Variants in TULP4 observed in about 807,000 individuals in gnomAD.
TULP4 encodes the protein tubby-related protein 4.
In TULP4, 16 loss-of-function variants were observed where a neutral mutation model predicts 129.0. The ratio of observed to expected loss-of-function variants is 0.12; its 90% CI spans 0.08 to 0.19. The LOEUF (loss-of-function observed/expected upper bound fraction) is 0.19, where lower values mean the gene tolerates loss of function less well. Ranked by LOEUF, TULP4 falls within the 10% of genes least tolerant of loss-of-function variation. The pLI is 1.00. For missense variants in TULP4, 1,842 were observed against 2,059.1 expected, an observed-to-expected ratio of 0.89 and a Z score of 2.04; for synonymous variants, 998 against 854.0, an observed-to-expected ratio of 1.17 and a Z score of -2.94.
At chr6:158,272,706 T>G (rs1050058824) in intron 1 of TULP4, among the ~76,000 whole-genome samples, 2 of 152,160 alleles carry the variant, frequency 1.3e-5, no homozygotes, top group African/African-American at 2.4e-5. Context: ...GACCCAAGAT[T>G]TGAAGTGAGG....
In TULP4 at chr6:158,510,872, G is replaced by A. The variant is rs1053005513; in HGVS notation, c.*4178G>A. The A allele has an allele frequency of 1.3e-5, 2 of 152,242 alleles. No homozygotes were observed. The highest frequency in any genetic ancestry group is 4.8e-5 in the African/African-American group (2 of 41,464). 9.4% of individuals were successfully genotyped at this position (152,242 alleles called of 1,614,324 possible). A position where few individuals can be genotyped will look rare whatever the true frequency, so the allele number is the denominator to read the frequency against. On this transcript the variant is annotated 3_prime_UTR_variant, in exon 14 of 14. Transcript: ENST00000367097. Reference sequence around the variant, plus strand: ...CAAATTGAAAAGGTTTCTTGAAAAGGAAAGTTTGGCCCAGCAACTGGAGAA... The same window carrying A: ...CAAATTGAAAAGGTTTCTTGAAAAGAAAAGTTTGGCCCAGCAACTGGAGAA...
At chr6:158,412,981 A>T in intron 1 of TULP4, 84 bp from the exon 2 acceptor site, 1 of 1,499,142 alleles carries the variant, frequency 6.7e-7, no homozygotes, top group Admixed American at 2.1e-5. Context: ...CATTCTAATT[A>T]GTTCAAGTCT....
At chr6:158,279,836 G>A (rs138498073), upstream of TULP4, among the ~76,000 whole-genome samples, 5 of 152,310 alleles carry the variant, frequency 3.3e-5, no homozygotes, top group African/African-American at 9.6e-5. Context: ...GTGAACACTT[G>A]ATACGTGTTT....
chr6:158,380,486 C>A (rs1300194954), intron 1 of TULP4, among the ~76,000 whole-genome samples: 1 of 152,088 alleles, frequency 6.6e-6, no homozygotes, highest in Admixed American at 6.6e-5. Context: ...AAGGGCAGGG[C>A]AATGTGGTAA....
chr6:158,238,108 A>C, intron 1 of TULP4: 1 of 728,916 alleles, frequency 1.4e-6, no homozygotes, highest in Non-Finnish European at 2.6e-6. Context: ...ACTAATGCAG[A>C]CACCATGCCT....
chr6:158,430,788 T>C (rs1778611478), intron 3 of TULP4, among the ~76,000 whole-genome samples: 1 of 152,164 alleles, frequency 6.6e-6, no homozygotes, highest in Non-Finnish European at 1.5e-5. Context: ...ATTGACTAGT[T>C]AAAATCTTTA....
At chr6:158,490,565 T>C (rs1780176976) in intron 9 of TULP4, among the ~76,000 whole-genome samples, 1 of 152,222 alleles carries the variant, frequency 6.6e-6, no homozygotes, top group South Asian at 2.1e-4. Context: ...GATACACATC[T>C]GTCCAAATCG....
Position 158,243,461 on chromosome 6 carries a change from A to G in TULP4, n.68+11158A>G, listed in dbSNP as rs543260533. On this transcript the variant is annotated intron_variant and non_coding_transcript_variant, in intron 1 of 1. Coordinates refer to the TULP4 transcript ENST00000620026. ...TGTGTTTATATCATATCATATATAT[A>G]TATATGATTGTTTGAATTAAGATGC... Among the ~76,000 whole-genome samples, 21 of 150,390 alleles carry G rather than the reference A, an allele frequency of 1.4e-4. No individual in the cohort carries two copies. In the East Asian group the frequency reaches 4.2e-3, roughly 30 times the overall value.
chr6:158,270,334 C>T (rs1435502304), intron 1 of TULP4, among the ~76,000 whole-genome samples: 1 of 152,232 alleles, frequency 6.6e-6, no homozygotes, highest in East Asian at 1.9e-4. Flanking sequence ...AGGGACCGGT[C>T]ATTCCAGCAA....
intron 1 of TULP4, among the ~76,000 whole-genome samples, chr6:158,389,369 T>C (rs1484784142): frequency 6.6e-6 from 1 of 152,152 alleles, no homozygotes; most frequent in Non-Finnish European, 1.5e-5. Context: ...GTAGGACTGC[T>C]TGAGCCTGGG....
intron 2 of TULP4, among the ~76,000 whole-genome samples, chr6:158,417,510 C>T (rs947211812): frequency 6.6e-6 from 1 of 152,204 alleles, no homozygotes; most frequent in Non-Finnish European, 1.5e-5. Context: ...TTAGAACCCA[C>T]TGAGCAACTG....
chr6:158,448,936 G>A lies in TULP4; in HGVS notation c.544-60G>A, dbSNP rs1779108000. On this transcript the variant is annotated intron_variant, in intron 3 of 13. Coordinates refer to ENST00000367097, the MANE Select transcript of TULP4 (RefSeq NM_020245.5). ...TTCCTAAAACAAATCGAGGCAACAA[G>A]GTGTGCCAGAAACTGGCCCTTGCTG... 3.3e-6 allele frequency: 5 copies of A among 1,520,938 alleles called. No individual in the cohort carries two copies. The South Asian group carries it at 5.1e-5, about 15-fold the overall frequency. The allele number at this position is 1,520,938 out of a possible 1,614,324, so 94.2% of individuals were successfully genotyped here.
chr6:158,390,933 T>TA lies in TULP4; in HGVS notation c.253-22125dup, dbSNP rs950330843. ...AGTAAGACTCTGTCTCTATAAAAAG[T>TA]AAAAAAATTAGATGTGGGGGTCTGA... On this transcript the variant is annotated intron_variant, in intron 1 of 13. Transcript: ENST00000367097. Among the ~76,000 whole-genome samples, 9 of 152,030 alleles carry TA rather than the reference T, an allele frequency of 5.9e-5. 1 individual carries two copies. The highest frequency in any genetic ancestry group is 2.2e-4 in the African/African-American group (9 of 41,476).
chr6:158,373,128 G>T (rs753872873), intron 1 of TULP4, among the ~76,000 whole-genome samples: 1 of 152,198 alleles, frequency 6.6e-6, no homozygotes, highest in Non-Finnish European at 1.5e-5. Context: ...TGGAGAGAAG[G>T]TTCTTAAACA....
chr6:158,435,880 C>T (rs866696541), intron 3 of TULP4, among the ~76,000 whole-genome samples: 1 of 151,986 alleles, frequency 6.6e-6, no homozygotes, highest in African/African-American at 2.4e-5. Context: ...AATTGCTCAT[C>T]GTTTGTGCCC....
At chr6:158,487,437 T>TC (rs745418022) in intron 8 of TULP4, among the ~76,000 whole-genome samples, 7 of 152,218 alleles carry the variant, frequency 4.6e-5, no homozygotes, top group East Asian at 1.9e-4. Flanking sequence ...AGAGCGAGAC[T>TC]CCATCTCCCA....
intron 1 of TULP4, among the ~76,000 whole-genome samples, chr6:158,326,489 G>A (rs1470136027): frequency 6.6e-6 from 1 of 152,046 alleles, no homozygotes; most frequent in Non-Finnish European, 1.5e-5. Context: ...TATTCCACGT[G>A]TCGTTTATGG....
intron 1 of TULP4, among the ~76,000 whole-genome samples, chr6:158,240,838 C>CG (rs932004341): frequency 1.8e-4 from 26 of 148,434 alleles, no homozygotes; most frequent in African/African-American, 4.7e-4. Flanking sequence ...GCTGGCTGGG[C>CG]GGGGGGGCTG....
intron 8 of TULP4, 59 bp from the exon 9 acceptor site, chr6:158,489,529 A>T: frequency 6.2e-7 from 1 of 1,602,642 alleles, no homozygotes; most frequent in Non-Finnish European, 8.5e-7. Context: ...AGTAATGATC[A>T]TTGGTAGGGG....
Sources: allele counts gnomAD v4.1 joint callset (sites outside exome capture counted in the v4.1 genomes callset), GRCh38; gene constraint gnomAD v4.1.1; transcripts MANE v1.5; gene names NCBI Gene and HGNC (gene_info 2026-07-23, HGNC 2026-07-21).